Variants in HTR2C observed in about 807,000 individuals in gnomAD.
The protein encoded by HTR2C is 5-hydroxytryptamine receptor 2C, also known as 5-hydroxytryptamine (serotonin) receptor 2C, G protein-coupled.
In HTR2C, 5 loss-of-function variants were observed where a neutral mutation model predicts 21.0. The observed-to-expected ratio is 0.24, with a 90% CI of 0.12 to 0.50. HTR2C has a LOEUF of 0.50. Ranked by LOEUF, HTR2C falls within the 20% of genes least tolerant of loss-of-function variation. The pLI, the probability that HTR2C is intolerant of heterozygous loss-of-function variation, is 0.98. For synonymous variants in HTR2C, 150 were observed against 145.3 expected, an observed-to-expected ratio of 1.03 and a Z score of -0.23; for missense variants, 271 against 371.2, an observed-to-expected ratio of 0.73 and a Z score of 2.22.
At chrX:114,761,565 A>C (rs1556432315) in intron 4 of HTR2C, among the ~76,000 whole-genome samples, 1 of 111,070 alleles carries the variant, frequency 9.0e-6, no homozygotes, top group African/African-American at 3.3e-5. Flanking sequence ...AAAAAATTTC[A>C]CATGCGTTAA....
intron 4 of HTR2C, among the ~76,000 whole-genome samples, chrX:114,789,452 G>A (rs1463608621): frequency 2.7e-5 from 3 of 111,810 alleles, no homozygotes; most frequent in Non-Finnish European, 5.6e-5. Context: ...TAAAGCTTTC[G>A]AAAGTGTCAT....
At chrX:114,716,147 C>T (rs1463343473) in intron 2 of HTR2C, among the ~76,000 whole-genome samples, 2 of 112,709 alleles carry the variant, frequency 1.8e-5, no homozygotes, top group African/African-American at 3.2e-5. Flanking sequence ...GTTCTGCTAC[C>T]ACCTATGGAG....
intron 4 of HTR2C, among the ~76,000 whole-genome samples, chrX:114,788,034 G>A (rs1214323832): frequency 1.8e-5 from 2 of 110,470 alleles, no homozygotes; most frequent in Non-Finnish European, 3.8e-5. Flanking sequence ...GTTCAGATAA[G>A]GGTTTGAAGA....
At chrX:114,776,232 C>T in intron 4 of HTR2C, 1 of 565,302 alleles carries the variant, frequency 1.8e-6, no homozygotes, top group Non-Finnish European at 3.2e-6. Context: ...AAGCCGTAAG[C>T]AATATCAGCA....
At chrX:114,904,064 G>A (rs959689129) in intron 5 of HTR2C, among the ~76,000 whole-genome samples, 2 of 111,827 alleles carry the variant, frequency 1.8e-5, no homozygotes, top group Middle Eastern at 4.6e-3. Flanking sequence ...TCTATTTAGG[G>A]ATCCAAATGT....
intron 5 of HTR2C, among the ~76,000 whole-genome samples, chrX:114,853,773 C>G (rs1466209380): frequency 9.0e-6 from 1 of 111,189 alleles, no homozygotes; most frequent in Admixed American, 9.6e-5. Context: ...ATGGTTAGTC[C>G]CTATTCATTA....
chrX:114,779,023 T>A (rs2070088750), intron 4 of HTR2C, among the ~76,000 whole-genome samples: 2 of 112,137 alleles, frequency 1.8e-5, no homozygotes, highest in African/African-American at 6.5e-5. Flanking sequence ...ATGTTCTTAA[T>A]TATAGACTGA....
At chrX:114,776,023 G>A (rs2070053595) in intron 4 of HTR2C, 2 of 420,865 alleles carry the variant, frequency 4.8e-6, no homozygotes, top group Non-Finnish European at 8.4e-6. Context: ...TCTTCTCACT[G>A]ATGTCTTTCT....
chrX:114,678,372 C>G lies in HTR2C; in HGVS notation c.-79-48486C>G, dbSNP rs184649444. ...CAAACTAACCCCCTTCAAATCCTGT[C>G]AACCTTCCCACCTATATTCTTACTT... is the stretch of plus-strand genomic sequence containing the variant. On this transcript the variant is annotated intron_variant, in intron 2 of 5. Coordinates refer to ENST00000276198, the MANE Select transcript of HTR2C (RefSeq NM_000868.4). Among the ~76,000 whole-genome samples the G allele has an allele frequency of 2.5e-3, 272 of 110,725 alleles. 1 individual carries two copies. Among genetic ancestry groups the G allele is most frequent in the African/African-American group, 8.4e-3 (254 of 30,404 alleles).
chrX:114,840,358 T>TA (rs1399031011), intron 4 of HTR2C, among the ~76,000 whole-genome samples: 29 of 111,507 alleles, frequency 2.6e-4, no homozygotes, highest in African/African-American at 9.1e-4. Flanking sequence ...ATTTGTGGGC[T>TA]AAAAAATAAT....
intron 4 of HTR2C, among the ~76,000 whole-genome samples, chrX:114,746,980 G>A (rs782426598): frequency 4.4e-4 from 48 of 109,730 alleles, no homozygotes; most frequent in South Asian, 4.0e-4. Context: ...GCGAGACTCC[G>A]TCTCAAAAAA....
At chrX:114,616,656 C>T (rs986206270) in intron 2 of HTR2C, among the ~76,000 whole-genome samples, 1 of 111,674 alleles carries the variant, frequency 9.0e-6, no homozygotes, top group Non-Finnish European at 1.9e-5. Flanking sequence ...CTTAGTAATA[C>T]CTTCCGTAAA....
At position 114,724,445 on chromosome X, in the gene HTR2C, C is replaced by G. The variant is rs184804916; in HGVS notation, c.-79-2413C>G. Among the ~76,000 whole-genome samples, 4 of 101,399 alleles carry G rather than the reference C, an allele frequency of 3.9e-5. No homozygotes were observed. The East Asian group carries it at 9.6e-4, about 24-fold the overall frequency. The allele number at this position is 101,399 out of a possible 115,157, so 88.1% of individuals were successfully genotyped here. ...AGATGGGTTTCCTGAATGCAACACA[C>G]TGATGGGTCTTGACTCTTTATCCAA... On this transcript the variant is annotated intron_variant, in intron 2 of 5. Transcript: ENST00000276198.
chrX:114,633,941 T>TAC (rs1929738175), intron 2 of HTR2C, among the ~76,000 whole-genome samples: 1 of 23,232 alleles, frequency 4.3e-5, no homozygotes, highest in Non-Finnish European at 8.4e-5. Flanking sequence ...TGTATATATA[T>TAC]ATATATAGAG....
intron 2 of HTR2C, among the ~76,000 whole-genome samples, chrX:114,707,849 C>G (rs940333232): frequency 5.5e-5 from 6 of 109,759 alleles, no homozygotes; most frequent in African/African-American, 2.0e-4. Flanking sequence ...TTCAGTCCTT[C>G]TGATTTCAAC....
At chrX:114,720,248 T>G (rs1308927704) in intron 2 of HTR2C, among the ~76,000 whole-genome samples, 3 of 111,341 alleles carry the variant, frequency 2.7e-5, no homozygotes, top group African/African-American at 9.8e-5. Context: ...CCATATTTTA[T>G]GTATTACGGT....
intron 4 of HTR2C, chrX:114,775,175 G>T: frequency 1.9e-6 from 1 of 522,396 alleles, no homozygotes; most frequent in East Asian, 3.6e-5. Context: ...TTGTCCCTCT[G>T]CCTCTTATCT....
intron 4 of HTR2C, among the ~76,000 whole-genome samples, chrX:114,831,332 T>C (rs1215851301): frequency 3.4e-5 from 2 of 58,763 alleles, no homozygotes; most frequent in Non-Finnish European, 7.0e-5. Flanking sequence ...AAAGTGTTCC[T>C]ATTTCTCCAC....
At chrX:114,795,684 G>A (rs189913322) in intron 4 of HTR2C, among the ~76,000 whole-genome samples, 399 of 111,477 alleles carry the variant, frequency 3.6e-3, no homozygotes, top group Non-Finnish European at 5.4e-3. Flanking sequence ...TAAATATGTG[G>A]CATTATTTCT....
Sources: gnomAD v4.1 joint callset for allele counts (sites outside exome capture counted in the v4.1 genomes callset) on GRCh38, gnomAD v4.1.1 for gene constraint, MANE v1.5 for transcripts, NCBI Gene and HGNC (gene_info 2026-07-23, HGNC 2026-07-21) for gene names.